FRS2: variants seen among roughly 807,000 people sequenced by gnomAD.
FRS2 encodes the protein fibroblast growth factor receptor substrate 2.
FRS2 carries 8 observed loss-of-function variants against 43.9 expected under a neutral mutation model. The observed-to-expected ratio is 0.18, with a 90% CI of 0.11 to 0.33. FRS2 has a LOEUF of 0.33. Among genes scored for constraint, FRS2 ranks in the 10% least tolerant of loss-of-function variants. The pLI is 1.00. For synonymous variants in FRS2, 219 were observed against 220.3 expected (o/e 0.99, Z 0.05); for missense variants, 534 against 627.6 (o/e 0.85, Z 1.59).
intron 4 of FRS2, 89 bp from the exon 5 acceptor site, chr12:69,568,916 T>C (rs1880516875): frequency 3.4e-6 from 2 of 584,510 alleles, no homozygotes; most frequent in Non-Finnish European, 5.9e-6. Flanking sequence ...CAGAATAATG[T>C]TTGTGTTAGA....
intron 1 of FRS2, among the ~76,000 whole-genome samples, chr12:69,500,832 C>T (rs1873372125): frequency 6.6e-6 from 1 of 152,074 alleles, no homozygotes; most frequent in African/African-American, 2.4e-5. Context: ...CAACACTGGT[C>T]ACAGATGTGA....
At chr12:69,557,629 C>T (rs977747749) in intron 3 of FRS2, among the ~76,000 whole-genome samples, 1,709 of 111,762 alleles carry the variant, frequency 0.015, 13 homozygotes, top group South Asian at 0.045. Flanking sequence ...TGCGCGCGCG[C>T]GCGCGCGCAG....
chr12:69,513,130 C>A (rs1398610616), intron 1 of FRS2, among the ~76,000 whole-genome samples: 1 of 141,594 alleles, frequency 7.1e-6, no homozygotes, highest in African/African-American at 2.7e-5. Context: ...GCCCCCAAAT[C>A]TCTGGCAAAG....
intron 1 of FRS2, among the ~76,000 whole-genome samples, chr12:69,473,860 T>C (rs1870525040): frequency 6.6e-6 from 1 of 152,108 alleles, no homozygotes; most frequent in Non-Finnish European, 1.5e-5. Context: ...ACTTTTGTTT[T>C]TGAGACAGAG....
At chr12:69,517,089 C>G (rs1295513689) in intron 1 of FRS2, among the ~76,000 whole-genome samples, 2 of 152,170 alleles carry the variant, frequency 1.3e-5, no homozygotes, top group African/African-American at 4.8e-5. Flanking sequence ...CTTATTCATC[C>G]TCCACAAGGG....
intron 3 of FRS2, among the ~76,000 whole-genome samples, chr12:69,561,089 A>G (rs899934038): frequency 1.3e-5 from 2 of 152,198 alleles, no homozygotes; most frequent in African/African-American, 4.8e-5. Flanking sequence ...ATATTCACCT[A>G]AAAGAAGTGG....
intron 1 of FRS2, among the ~76,000 whole-genome samples, chr12:69,478,858 T>C (rs541103236): frequency 1.6e-3 from 251 of 152,220 alleles, no homozygotes; most frequent in Admixed American, 4.1e-3. Context: ...TTCTCACTAC[T>C]TGTGATCTCT....
chr12:69,517,071 A>G lies in FRS2; in HGVS notation c.-260-13794A>G, dbSNP rs56826297. Among the ~76,000 whole-genome samples the G allele has an allele frequency of 0.035, 5,365 of 152,258 alleles. 445 individuals are homozygous for G. In the East Asian group the frequency reaches 0.38, roughly 11 times the overall value. On this transcript the variant is annotated intron_variant, in intron 1 of 8. Transcript: ENST00000549921. Reference sequence around the variant, plus strand: ...GCTACAGTGAAAACACAGGCACACAACACACAGCTTATTCATCCTCCACAA... The same window carrying G: ...GCTACAGTGAAAACACAGGCACACAGCACACAGCTTATTCATCCTCCACAA...
At chr12:69,505,984 C>G (rs1308182099) in intron 1 of FRS2, among the ~76,000 whole-genome samples, 1 of 152,136 alleles carries the variant, frequency 6.6e-6, no homozygotes, top group African/African-American at 2.4e-5. Flanking sequence ...AGTTTTTCTT[C>G]TCTTATTTTT....
At chr12:69,573,944 G>A (rs764728427) in intron 8 of FRS2, 61 bp from the exon 9 acceptor site, 9 of 1,103,202 alleles carry the variant, frequency 8.2e-6, no homozygotes, top group Non-Finnish European at 1.2e-5. Context: ...ATGTGGTCAG[G>A]CTTTTTTTCA....
At chr12:69,532,692 A>G (rs1309265851) in intron 3 of FRS2, among the ~76,000 whole-genome samples, 2 of 152,224 alleles carry the variant, frequency 1.3e-5, no homozygotes, top group East Asian at 1.9e-4. Flanking sequence ...CATTCAAACT[A>G]TAGCAGGAAG....
At chr12:69,476,581 A>G (rs545933207) in intron 1 of FRS2, among the ~76,000 whole-genome samples, 1 of 152,252 alleles carries the variant, frequency 6.6e-6, no homozygotes, top group Admixed American at 6.5e-5. Context: ...CTAGAGAAAG[A>G]ATAGTGCAGC....
chr12:69,490,981 A>T (rs1032661390), intron 1 of FRS2, among the ~76,000 whole-genome samples: 1 of 152,272 alleles, frequency 6.6e-6, no homozygotes, highest in South Asian at 2.1e-4. Context: ...AAATTTAAAG[A>T]TACAAAAGGG....
At chr12:69,494,478 G>A (rs775990615) in intron 1 of FRS2, among the ~76,000 whole-genome samples, 1 of 152,188 alleles carries the variant, frequency 6.6e-6, no homozygotes, top group Non-Finnish European at 1.5e-5. Flanking sequence ...TAGCTAATGA[G>A]TTGTGGAGCT....
intron 3 of FRS2, among the ~76,000 whole-genome samples, chr12:69,550,813 A>G (rs1011797006): frequency 6.6e-6 from 1 of 152,232 alleles, no homozygotes; most frequent in African/African-American, 2.4e-5. Flanking sequence ...AGGCTTCAAC[A>G]TGAGTATTTT....
At chr12:69,471,606 T>C (rs1383569957) in intron 1 of FRS2, among the ~76,000 whole-genome samples, 1 of 152,230 alleles carries the variant, frequency 6.6e-6, no homozygotes, top group Non-Finnish European at 1.5e-5. Context: ...GAAAGTGATG[T>C]AGGTAGGTTT....
chr12:69,486,175 T>C (rs1871924852), intron 1 of FRS2: 1 of 123,618 alleles, frequency 8.1e-6, no homozygotes, highest in Non-Finnish European at 1.7e-5. Flanking sequence ...GTTTTGCAGA[T>C]AACTGCATTT....
chr12:69,558,514 C>T (rs1879620683), intron 3 of FRS2, among the ~76,000 whole-genome samples: 3 of 152,268 alleles, frequency 2.0e-5, no homozygotes, highest in African/African-American at 7.2e-5. Flanking sequence ...TAAGGAACTA[C>T]CTGGTTCTCC....
chr12:69,574,729 T>A lies in FRS2; in HGVS notation c.1301T>A (p.Leu434His). Residue 434 changes from leucine (L) to histidine (H), a missense_variant, in exon 9 of 9, where the codon CTT becomes CAT. This residue lies in a region of FRS2 where 446 missense variants were observed against 494.2 expected (regional missense o/e 0.90). Coordinates refer to ENST00000549921, the MANE Select transcript of FRS2 (RefSeq NM_001278356.2). Reference sequence around the variant, plus strand: ...CGCCCAAGTTTAGAACACAGGCAGCTTAATTACATACAGGTTGACTTGGAA... The same window carrying A: ...CGCCCAAGTTTAGAACACAGGCAGCATAATTACATACAGGTTGACTTGGAA... The part of the protein sequence containing the change: ...IRRPSLEHRQ[L>H]NYIQVDLEGG... 1 of 1,614,204 alleles carries A rather than the reference T, an allele frequency of 6.2e-7. No individual in the cohort carries two copies. The highest frequency in any genetic ancestry group is 8.5e-7 in the Non-Finnish European group (1 of 1,180,030).
Sources: gnomAD v4.1 joint callset for allele counts (sites outside exome capture counted in the v4.1 genomes callset) on GRCh38, gnomAD v4.1.1 for gene constraint, gnomAD v4.1.1 regional missense constraint, MANE v1.5 for transcripts, NCBI Gene and HGNC (gene_info 2026-07-23, HGNC 2026-07-21) for gene names.